GRID2: variants seen among roughly 807,000 people sequenced by gnomAD.
The protein encoded by GRID2 is glutamate ionotropic receptor delta type subunit 2.
Under a neutral mutation model 114.8 loss-of-function variants are expected in GRID2, and 33 were observed. That is an observed-to-expected ratio of 0.29 (90% CI 0.22 to 0.38). GRID2 has a LOEUF of 0.38. GRID2 is among the 10% of genes least tolerant of loss of function. The pLI, the probability that GRID2 is intolerant of heterozygous loss-of-function variation, is 1.00. For synonymous variants in GRID2, 505 were observed against 449.9 expected (o/e 1.12, Z -1.55); for missense variants, 1,184 against 1,257.7 (o/e 0.94, Z 0.89).
At chr4:93,320,101 A>G (rs879733440) in intron 8 of GRID2, among the ~76,000 whole-genome samples, 11 of 152,136 alleles carry the variant, frequency 7.2e-5, no homozygotes, top group Admixed American at 1.3e-4. Flanking sequence ...TGAACAAACA[A>G]AAGGATCTGT....
chr4:93,505,014 C>T (rs1457855868), intron 12 of GRID2, among the ~76,000 whole-genome samples: 1 of 151,930 alleles, frequency 6.6e-6, no homozygotes, highest in African/African-American at 2.4e-5. Context: ...TTCTGTGAAA[C>T]AGGAGATTTT....
chr4:93,782,572 A>G (rs541610005), intron 1 of GRID2, among the ~76,000 whole-genome samples: 80 of 152,094 alleles, frequency 5.3e-4, no homozygotes, highest in South Asian at 1.2e-3. Context: ...TTCCACTAAC[A>G]CTTTAAAAGG....
At chr4:93,729,428 C>T (rs1278783647) in intron 14 of GRID2, among the ~76,000 whole-genome samples, 1 of 152,176 alleles carries the variant, frequency 6.6e-6, no homozygotes, top group African/African-American at 2.4e-5. Flanking sequence ...CCTCTATACT[C>T]CAACAGTGTC....
intron 10 of GRID2, among the ~76,000 whole-genome samples, chr4:93,445,274 A>G (rs564876192): frequency 2.2e-4 from 34 of 152,154 alleles, no homozygotes; most frequent in African/African-American, 8.2e-4. Context: ...TTTGGTTCTT[A>G]GCTCTGGAAG....
At chr4:92,416,150 T>G (rs1420807986) in intron 1 of GRID2, among the ~76,000 whole-genome samples, 1 of 152,122 alleles carries the variant, frequency 6.6e-6, no homozygotes, top group South Asian at 2.1e-4. Flanking sequence ...ATTTTCCTGA[T>G]GATTAGTGAG....
intron 2 of GRID2, among the ~76,000 whole-genome samples, chr4:92,807,912 A>T (rs1253221225): frequency 6.6e-6 from 1 of 151,986 alleles, no homozygotes; most frequent in African/African-American, 2.4e-5. Context: ...TGTCTCCCCA[A>T]TATGCCCATG....
intron 1 of GRID2, among the ~76,000 whole-genome samples, chr4:93,790,981 A>G (rs930188576): frequency 1.2e-4 from 18 of 152,226 alleles, no homozygotes; most frequent in African/African-American, 4.1e-4. Context: ...TAGGCTCAAA[A>G]TAGTGTTCTA....
intron 2 of GRID2, among the ~76,000 whole-genome samples, chr4:92,671,502 G>A (rs1733070528): frequency 6.6e-6 from 1 of 152,074 alleles, no homozygotes; most frequent in Non-Finnish European, 1.5e-5. Flanking sequence ...TTTAAATCAT[G>A]TTACTGAACT....
intron 1 of GRID2, among the ~76,000 whole-genome samples, chr4:92,526,534 G>T (rs575944117): frequency 6.6e-5 from 10 of 152,158 alleles, no homozygotes; most frequent in African/African-American, 2.4e-4. Context: ...AGTAGAGCCA[G>T]GGTTTCACCA....
At chr4:92,370,431 C>T (rs565313308) in intron 1 of GRID2, among the ~76,000 whole-genome samples, 1 of 151,986 alleles carries the variant, frequency 6.6e-6, no homozygotes, top group Non-Finnish European at 1.5e-5. Flanking sequence ...GCGGGCGGAT[C>T]ACGAGGTCAG....
chr4:93,009,495 A>T (rs972584305), intron 2 of GRID2, among the ~76,000 whole-genome samples: 5 of 152,090 alleles, frequency 3.3e-5, no homozygotes, highest in African/African-American at 1.2e-4. Context: ...TTGGAGAAAA[A>T]TCTTCCTTAT....
chr4:93,169,143 TACACAC>T (rs33953002), intron 4 of GRID2, among the ~76,000 whole-genome samples: 1,983 of 138,170 alleles, frequency 0.014, 27 homozygotes, highest in African/African-American at 0.043. Flanking sequence ...CACAATGAAA[TACACAC>T]ACACACACAC....
chr4:92,802,000 A>G (rs1002097309), intron 2 of GRID2, among the ~76,000 whole-genome samples: 1 of 151,956 alleles, frequency 6.6e-6, no homozygotes, highest in African/African-American at 2.4e-5. Flanking sequence ...TTTTTTAAAA[A>G]AAACTTCATA....
chr4:93,553,567 A>T (rs1733996754), intron 13 of GRID2, among the ~76,000 whole-genome samples: 1 of 152,202 alleles, frequency 6.6e-6, no homozygotes. Context: ...ATAGAGGATA[A>T]AATAGTTTGT....
chr4:92,826,243 T>C (rs1741689304), intron 2 of GRID2, among the ~76,000 whole-genome samples: 1 of 152,118 alleles, frequency 6.6e-6, no homozygotes, highest in South Asian at 2.1e-4. Flanking sequence ...CTTAGGGTCT[T>C]TGCACTTGCT....
chr4:93,347,758 CTTGT>C (rs1050001008), intron 8 of GRID2, among the ~76,000 whole-genome samples: 1 of 152,012 alleles, frequency 6.6e-6, no homozygotes, highest in Non-Finnish European at 1.5e-5. Context: ...ATATTTGTGA[CTTGT>C]TTAAGGTCAT....
intron 2 of GRID2, among the ~76,000 whole-genome samples, chr4:92,714,597 T>G (rs906510870): frequency 1.3e-5 from 2 of 152,196 alleles, no homozygotes; most frequent in Admixed American, 1.3e-4. Flanking sequence ...TCTAGGCATT[T>G]CCATACATCC....
At chr4:92,455,335 G>A (rs1226018319) in intron 1 of GRID2, among the ~76,000 whole-genome samples, 8 of 152,034 alleles carry the variant, frequency 5.3e-5, no homozygotes, top group Non-Finnish European at 5.9e-5. Flanking sequence ...TATATTCCAG[G>A]ATTCTTATAT....
At chr4:92,598,729 T>C (rs1478890427) in intron 2 of GRID2, among the ~76,000 whole-genome samples, 1 of 152,164 alleles carries the variant, frequency 6.6e-6, no homozygotes, top group African/African-American at 2.4e-5. Context: ...TATTGTGTAA[T>C]GATTATATGG....
Sources: gnomAD v4.1 joint callset for allele counts (sites outside exome capture counted in the v4.1 genomes callset) on GRCh38, gnomAD v4.1.1 for gene constraint, MANE v1.5 for transcripts, NCBI Gene and HGNC (gene_info 2026-07-23, HGNC 2026-07-21) for gene names.